Variants in TRPA1 observed in about 807,000 individuals in gnomAD.
The protein encoded by TRPA1 is transient receptor potential cation channel subfamily A member 1, also known as ankyrin-like with transmembrane domains 1.
Under a neutral mutation model 131.3 loss-of-function variants are expected in TRPA1, and 129 were observed. That is an observed-to-expected ratio of 0.98 (90% CI 0.85 to 1.14). The LOEUF (loss-of-function observed/expected upper bound fraction) is 1.14. TRPA1 is among the 50% of genes most tolerant of loss of function. The pLI is 0.00. For missense variants in TRPA1, 1,304 were observed against 1,354.2 expected (o/e 0.96, Z 0.58); for synonymous variants, 441 against 451.7 (o/e 0.98, Z 0.30).
intron 22 of TRPA1, 106 bp from the exon 23 acceptor site, chr8:72,033,932 G>T: frequency 8.9e-7 from 1 of 1,119,926 alleles, no homozygotes; most frequent in Non-Finnish European, 1.3e-6. Flanking sequence ...CTTTTTTAAA[G>T]TCATAGGCAT....
At chr8:72,084,647 ATT>A in the TRPA1 span, among the ~76,000 whole-genome samples, 4,131 of 104,782 alleles carry the variant, frequency 0.039, 207 homozygotes, top group African/African-American at 0.15. Flanking sequence ...TAAAATGATA[ATT>A]TTTTTTTTTT....
intron 16 of TRPA1, 32 bp downstream of exon 16, chr8:72,047,116 A>C (rs368531197): frequency 3.3e-6 from 5 of 1,495,794 alleles, no homozygotes; most frequent in African/African-American, 1.4e-5. Context: ...TAACAAAATA[A>C]ATTTCAGATA....
At chr8:72,067,394 C>G (rs936192055) in intron 3 of TRPA1, among the ~76,000 whole-genome samples, 1 of 152,084 alleles carries the variant, frequency 6.6e-6, no homozygotes, top group Non-Finnish European at 1.5e-5. Context: ...AAAGGAGAGT[C>G]AATTTTACTT....
chr8:72,072,076 T>C (rs4738205), intron 1 of TRPA1, among the ~76,000 whole-genome samples: 59,304 of 152,012 alleles, frequency 0.39, 12,212 homozygotes, highest in East Asian at 0.63. Context: ...ATGAAATAAA[T>C]TTTTTTATCA....
chr8:72,075,513 C>T lies in TRPA1; in HGVS notation c.-104G>A. On this transcript the variant is annotated 5_prime_UTR_variant, in exon 1 of 27. Coordinates refer to ENST00000262209, the MANE Select transcript of TRPA1 (RefSeq NM_007332.3). Reference sequence around the variant, plus strand: ...TGCCAGGCGCTGGGGTCCGCGCGAGCCCGAGCTCTCCCGCGCTGCAGCTCA... The same window carrying T: ...TGCCAGGCGCTGGGGTCCGCGCGAGTCCGAGCTCTCCCGCGCTGCAGCTCA... The T allele has an allele frequency of 1.1e-6, 1 of 896,004 alleles. No homozygotes were observed. Among genetic ancestry groups the T allele is most frequent in the Non-Finnish European group, 1.8e-6 (1 of 547,868 alleles). The allele number at this position is 896,004 out of a possible 1,614,324, so 55.5% of individuals were successfully genotyped here. A position where few individuals can be genotyped will look rare whatever the true frequency, so the allele number is the denominator to read the frequency against.
intron 17 of TRPA1, among the ~76,000 whole-genome samples, chr8:72,043,137 T>C (rs774794182): frequency 6.6e-6 from 1 of 151,848 alleles, no homozygotes; most frequent in East Asian, 1.9e-4. Context: ...GATAAGGCCA[T>C]AGTTCTCACC....
In TRPA1 at chr8:72,023,479, C is replaced by A. The variant is rs899499178; in HGVS notation, c.3149+335G>T. 6.1e-5 allele frequency: 26 copies of A among 426,858 alleles called. No individual in the cohort carries two copies. The East Asian group carries it at 1.2e-3, about 19-fold the overall frequency. The allele number at this position is 426,858 out of a possible 1,614,324, so 26.4% of individuals were successfully genotyped here. A position where few individuals can be genotyped will look rare whatever the true frequency, so the allele number is the denominator to read the frequency against. ...CCTCATGCTTAATGACTGCCCACCA[C>A]ATAGTTACTCCAGGGATCTTCAGAA... On this transcript the variant is annotated intron_variant, in intron 26 of 26. Coordinates refer to ENST00000262209, the MANE Select transcript of TRPA1 (RefSeq NM_007332.3).
Position 72,036,309 on chromosome 8 carries a change from T to C in TRPA1, c.2534A>G (p.Asn845Ser), listed in dbSNP as rs775028427. 1.2e-6 allele frequency: 2 copies of C among 1,614,050 alleles called. No individual in the cohort carries two copies. Among genetic ancestry groups the C allele is most frequent in the Non-Finnish European group, 1.7e-6 (2 of 1,179,984 alleles). Residue 845 changes from asparagine (N) to serine (S), a missense_variant, in exon 21 of 27, where the codon AAT becomes AGT. Asn to Ser is a conservative substitution (Grantham distance 46, BLOSUM62 1). Transcript: ENST00000262209. ...TTACCTTTGAAGATACAATAAGAAA[T>C]TCATCCAATAGAAGTAAACAGCAAT... Reference protein sequence around the residue: ...GAIAVYFYWMNFLLYLQRFEN... With the variant: ...GAIAVYFYWMSFLLYLQRFEN...
intron 7 of TRPA1, among the ~76,000 whole-genome samples, chr8:72,061,191 A>G (rs1160125159): frequency 1.3e-5 from 2 of 152,134 alleles, no homozygotes; most frequent in Non-Finnish European, 2.9e-5. Flanking sequence ...TTTTGAAACC[A>G]TTTATCTATA....
chr8:72,046,640 G>A (rs1805333521), intron 16 of TRPA1, 32 bp from the exon 17 acceptor site: 2 of 1,171,354 alleles, frequency 1.7e-6, no homozygotes, highest in African/African-American at 1.5e-5. Flanking sequence ...TTAAAAAAAT[G>A]TACAGTTAGT....
intron 1 of TRPA1, among the ~76,000 whole-genome samples, chr8:72,074,732 C>T (rs1806136526): frequency 6.6e-6 from 1 of 152,154 alleles, no homozygotes; most frequent in South Asian, 2.1e-4. Context: ...CAAAAGGTCA[C>T]CTCCCCCACA....
intron 19 of TRPA1, 173 bp downstream of exon 19, chr8:72,038,692 T>C (rs1405929313): frequency 9.9e-6 from 6 of 604,572 alleles, no homozygotes; most frequent in African/African-American, 3.7e-5. Context: ...TGTTTGTTTA[T>C]ATTCCCTCTC....
rs780614815 is a variant in TRPA1, at chr8:72,055,754, T to G, written c.1296A>C (p.Leu432=). The G allele has an allele frequency of 6.2e-7, 1 of 1,613,068 alleles. No individual in the cohort carries two copies. The highest frequency in any genetic ancestry group is 8.5e-7 in the Non-Finnish European group (1 of 1,179,300). The stretch of plus-strand genomic sequence containing the variant: ...AATGAATGGACACATTAAAGCCAAG[T>G]AGGTTATTTACAGAACCAGGGCCCC... The part of the protein sequence containing the change: ...RQGGPGSVNN[L]LGFNVSIHSK... Residue 432 remains leucine, a synonymous_variant, in exon 11 of 27, where the codon CTA becomes CTC. Coordinates refer to ENST00000262209, the MANE Select transcript of TRPA1 (RefSeq NM_007332.3).
At position 72,047,906 on chromosome 8, in the gene TRPA1, T is replaced by C. The variant is rs2129434744; in HGVS notation, c.1906-699A>G. Among the ~76,000 whole-genome samples, 4 of 152,214 alleles carry C rather than the reference T, an allele frequency of 2.6e-5. No individual in the cohort carries two copies. The South Asian group carries it at 8.3e-4, about 32-fold the overall frequency. The stretch of plus-strand genomic sequence containing the variant: ...CCTTACTGTGACAACTTATTGTTCT[T>C]AATCAAGATTTTTCATCCCAGCAAT... On this transcript the variant is annotated intron_variant, in intron 15 of 26. Transcript: ENST00000262209.
chr8:72,035,919 T>C (rs537830736), intron 21 of TRPA1, among the ~76,000 whole-genome samples: 196 of 141,846 alleles, frequency 1.4e-3, no homozygotes, highest in African/African-American at 4.9e-3. Context: ...TGGACTGGGG[T>C]GGATGCTACT....
At chr8:72,072,060 C>A (rs1453354379) in intron 1 of TRPA1, among the ~76,000 whole-genome samples, 193 bp from the exon 2 acceptor site, 1 of 152,116 alleles carries the variant, frequency 6.6e-6, no homozygotes, top group Admixed American at 6.5e-5. Context: ...CAAGATTGAT[C>A]AACACATGAA....
At chr8:72,061,954 C>T (rs1805820206) in intron 6 of TRPA1, among the ~76,000 whole-genome samples, 193 bp from the exon 7 acceptor site, 1 of 152,134 alleles carries the variant, frequency 6.6e-6, no homozygotes, top group Non-Finnish European at 1.5e-5. Context: ...CATCCACAAA[C>T]AAATTGTAGC....
chr8:72,031,369 A>T (rs1245288305), intron 23 of TRPA1, among the ~76,000 whole-genome samples: 1 of 151,782 alleles, frequency 6.6e-6, no homozygotes, highest in Non-Finnish European at 1.5e-5. Context: ...ACTTGAGCCT[A>T]GGAGTTCCAG....
chr8:72,053,007 A>AAGAGAGAAAGAG (rs1554536537), intron 13 of TRPA1: 1 of 223,454 alleles, frequency 4.5e-6, no homozygotes, highest in African/African-American at 2.8e-5. Flanking sequence ...GAGATAGAGA[A>AAGAGAGAAAGAG]AGAGAGAGAG....
Sources: gnomAD v4.1 joint callset for allele counts (sites outside exome capture counted in the v4.1 genomes callset) on GRCh38, gnomAD v4.1.1 for gene constraint, MANE v1.5 for transcripts, NCBI Gene and HGNC (gene_info 2026-07-23, HGNC 2026-07-21) for gene names.